USP22: variants seen among roughly 807,000 people sequenced by gnomAD.
The protein encoded by USP22 is ubiquitin specific peptidase 22.
USP22 carries 22 observed loss-of-function variants against 68.1 expected under a neutral mutation model. The observed-to-expected ratio is 0.32, with a 90% CI of 0.23 to 0.46. The LOEUF (loss-of-function observed/expected upper bound fraction) is 0.46. Among genes scored for constraint, USP22 ranks in the 20% least tolerant of loss-of-function variants. The probability of loss-of-function intolerance (pLI) is 1.00; values close to 1 mark genes in which losing one functional copy is unlikely to be tolerated. For synonymous variants in USP22, 279 were observed against 274.2 expected (o/e 1.02, Z -0.17); for missense variants, 433 against 695.8 (o/e 0.62, Z 4.25).
intron 1 of USP22, among the ~76,000 whole-genome samples, chr17:21,034,624 T>TA (rs1233458288): frequency 3.9e-5 from 6 of 152,194 alleles, no homozygotes; most frequent in Non-Finnish European, 8.8e-5. Flanking sequence ...CCGTGCCATC[T>TA]AGGCCACCTG....
intron 1 of USP22, 29 bp downstream of exon 1, chr17:21,042,636 C>A: frequency 7.9e-7 from 1 of 1,259,976 alleles, no homozygotes; most frequent in Non-Finnish European, 1.0e-6. Context: ...AGGCCCCGAG[C>A]CCGCCGCGCG....
At chr17:21,004,572 CT>C (rs1913715849) in intron 11 of USP22, among the ~76,000 whole-genome samples, 2 of 152,214 alleles carry the variant, frequency 1.3e-5, no homozygotes, top group African/African-American at 4.8e-5. Flanking sequence ...GGAACTCCAT[CT>C]AGTGGGAGTG....
chr17:21,023,158 A>T (rs1232554617), intron 2 of USP22, among the ~76,000 whole-genome samples: 1 of 152,144 alleles, frequency 6.6e-6, no homozygotes, highest in African/African-American at 2.4e-5. Context: ...GGAGAACAAC[A>T]GACACTGCGG....
intron 5 of USP22, among the ~76,000 whole-genome samples, chr17:21,016,955 G>A (rs569812423): frequency 1.3e-5 from 2 of 152,292 alleles, no homozygotes; most frequent in East Asian, 1.9e-4. Flanking sequence ...ACACAAGTGA[G>A]CTTATCACTA....
intron 6 of USP22, among the ~76,000 whole-genome samples, chr17:21,014,636 G>A (rs903808332): frequency 6.6e-6 from 1 of 152,170 alleles, no homozygotes; most frequent in Non-Finnish European, 1.5e-5. Context: ...TAGGTTGTAC[G>A]TAAGCGCCTA....
chr17:21,042,688 T>C lies in USP22; in HGVS notation c.148A>G (p.Thr50Ala), dbSNP rs1972456039. 2 of 1,359,166 alleles carry C rather than the reference T, an allele frequency of 1.5e-6. No homozygotes were observed. The highest frequency in any genetic ancestry group is 1.9e-6 in the Non-Finnish European group (2 of 1,044,550). The allele number at this position is 1,359,166 out of a possible 1,614,324, so 84.2% of individuals were successfully genotyped here. ...AIYQCFVWSGTAEARKRKAKS... is the reference protein window; with the variant it reads ...AIYQCFVWSGAAEARKRKAKS... ...ACCTTGCGCTTGCGGGCCTCAGCCG[T>C]GCCGCTCCACACGAAGCACTGGTAG... The change falls in exon 1 of 13, where the codon ACG becomes GCG. Residue 50 changes from threonine (T) to alanine (A), a missense_variant. This residue lies in a region of USP22 where 110 missense variants were observed against 89.9 expected (regional missense o/e 1.22). Coordinates refer to ENST00000261497, the MANE Select transcript of USP22 (RefSeq NM_015276.2).
At chr17:21,032,373 C>T (rs1346619130) in intron 1 of USP22, among the ~76,000 whole-genome samples, 2 of 152,226 alleles carry the variant, frequency 1.3e-5, no homozygotes, top group Non-Finnish European at 2.9e-5. Flanking sequence ...TGGAACAGCA[C>T]GTCCATTGAT....
intron 1 of USP22, among the ~76,000 whole-genome samples, chr17:21,035,493 T>C (rs538740950): frequency 6.8e-6 from 1 of 146,118 alleles, no homozygotes; most frequent in Admixed American, 7.0e-5. Context: ...GAGACCCTGC[T>C]ACCAATTTGT....
chr17:21,017,855 C>T, intron 5 of USP22, 87 bp downstream of exon 5: 2 of 1,511,352 alleles, frequency 1.3e-6, no homozygotes, highest in African/African-American at 1.4e-5. Flanking sequence ...ATGTATCTTC[C>T]TTTATCATGG....
Position 21,034,573 on chromosome 17 carries a change from C to T in USP22, c.172-5899G>A, listed in dbSNP as rs116692672. 9.6e-3 allele frequency among the ~76,000 whole-genome samples: 1,456 copies of T among 152,278 alleles called. 20 individuals carry two copies. Among genetic ancestry groups the T allele is most frequent in the African/African-American group, 0.033 (1,369 of 41,530 alleles). On this transcript the variant is annotated intron_variant, in intron 1 of 12. Coordinates refer to ENST00000261497, the MANE Select transcript of USP22 (RefSeq NM_015276.2). The stretch of plus-strand genomic sequence containing the variant: ...TGAGAAACATGATGAAACTGAGTGA[C>T]ATCCCGCTCTGTCCCATGACCATCC...
At chr17:21,018,233 A>G (rs1972111973) in intron 4 of USP22, 122 bp from the exon 5 acceptor site, 1 of 940,234 alleles carries the variant, frequency 1.1e-6, no homozygotes, top group Non-Finnish European at 1.5e-6. Flanking sequence ...TTCAAGCCAG[A>G]ACACGATGAG....
chr17:21,032,086 CT>C (rs1275979841), intron 1 of USP22, among the ~76,000 whole-genome samples: 1 of 152,214 alleles, frequency 6.6e-6, no homozygotes, highest in African/African-American at 2.4e-5. Context: ...CTGTAACCTT[CT>C]CTATGTTTAG....
intron 1 of USP22, among the ~76,000 whole-genome samples, chr17:21,038,808 T>C (rs1972389256): frequency 6.6e-6 from 1 of 152,218 alleles, no homozygotes; most frequent in African/African-American, 2.4e-5. Flanking sequence ...AAATATAATG[T>C]AGAATGTTAA....
intron 2 of USP22, among the ~76,000 whole-genome samples, chr17:21,021,827 CTG>C (rs1972159936): frequency 6.6e-6 from 1 of 152,172 alleles, no homozygotes. Flanking sequence ...AGGCCAGGAG[CTG>C]TGACTTATGC....
Position 21,002,749 on chromosome 17 carries a change from T to A in USP22, c.*282A>T. On this transcript the variant is annotated 3_prime_UTR_variant, in exon 13 of 13. Transcript: ENST00000261497. ...AGGCCCCCGTTGCACCCCCATGTCA[T>A]GACACAAGAGATGTTCTGGTGACGG... The A allele has an allele frequency of 2.5e-6, 1 of 403,114 alleles. No individual in the cohort carries two copies. Among genetic ancestry groups the A allele is most frequent in the Non-Finnish European group, 4.7e-6 (1 of 211,934 alleles). 25.0% of individuals were successfully genotyped at this position (403,114 alleles called of 1,614,324 possible).
chr17:21,013,050 G>C, intron 6 of USP22, 115 bp from the exon 7 acceptor site: 1 of 812,702 alleles, frequency 1.2e-6, no homozygotes, highest in Non-Finnish European at 2.0e-6. Flanking sequence ...GCTTTAAAAG[G>C]CCATGTGAGG....
rs1913527897 is a variant in USP22, at chr17:21,000,532, A to T, written c.*2499T>A. On this transcript the variant is annotated 3_prime_UTR_variant, in exon 13 of 13. Transcript: ENST00000261497. ...CCAGTTCTAATGTTCTCAGAACAGCAGCCACCCCTGAATGCAAGTGGAGAC... is the reference window on the plus strand; with the variant it reads ...CCAGTTCTAATGTTCTCAGAACAGCTGCCACCCCTGAATGCAAGTGGAGAC... 6.6e-6 allele frequency: 1 copy of T among 152,212 alleles called. No homozygotes were observed. The highest frequency in any genetic ancestry group is 1.5e-5 in the Non-Finnish European group (1 of 68,048). The allele number at this position is 152,212 out of a possible 1,614,324, so 9.4% of individuals were successfully genotyped here.
rs966524259 is a variant in USP22 at position 21,002,853 on chromosome 17, G to A, written c.*178C>T. The A allele has an allele frequency of 1.6e-4, 109 of 697,756 alleles. No homozygotes were observed. The highest frequency in any genetic ancestry group is 3.7e-5 in the Non-Finnish European group (15 of 402,474). The allele number at this position is 697,756 out of a possible 1,614,324, so 43.2% of individuals were successfully genotyped here. On this transcript the variant is annotated 3_prime_UTR_variant, in exon 13 of 13. Coordinates refer to ENST00000261497, the MANE Select transcript of USP22 (RefSeq NM_015276.2). ...AGCAGCTCCAGGAGCCTCCCCGTCCGTGTGGTCCATCCCGACCCGATGGGT... is the reference window on the plus strand; with the variant it reads ...AGCAGCTCCAGGAGCCTCCCCGTCCATGTGGTCCATCCCGACCCGATGGGT...
chr17:21,036,606 G>A (rs577657619), intron 1 of USP22, among the ~76,000 whole-genome samples: 2 of 151,432 alleles, frequency 1.3e-5, no homozygotes, highest in Non-Finnish European at 2.9e-5. Flanking sequence ...CAACAGGTAA[G>A]TAAGTAGATT....
Sources: allele counts gnomAD v4.1 joint callset (sites outside exome capture counted in the v4.1 genomes callset), GRCh38; gene constraint gnomAD v4.1.1; regional missense constraint gnomAD v4.1.1; transcripts MANE v1.5; gene names NCBI Gene and HGNC (gene_info 2026-07-23, HGNC 2026-07-21).